Variants in SLC4A4 observed in about 807,000 individuals in gnomAD.
SLC4A4 encodes the protein solute carrier family 4 member 4.
A neutral mutation model predicts 111.5 loss-of-function variants in SLC4A4; 27 were observed. The ratio of observed to expected loss-of-function variants is 0.24; its 90% CI spans 0.18 to 0.33. The LOEUF is 0.33. SLC4A4 is among the 10% of genes least tolerant of loss of function. SLC4A4 has a pLI of 1.00. For synonymous variants in SLC4A4, 443 were observed against 463.4 expected (o/e 0.96, Z 0.57); for missense variants, 909 against 1,315.5 (o/e 0.69, Z 4.78).
At chr4:71,127,091 T>C (rs931081700) in intron 2 of SLC4A4, among the ~76,000 whole-genome samples, 2 of 152,222 alleles carry the variant, frequency 1.3e-5, no homozygotes, top group African/African-American at 2.4e-5. Context: ...ACCCCAAAAA[T>C]GCTTTCAGCC....
At chr4:71,137,745 G>A (rs1244304714) in intron 2 of SLC4A4, among the ~76,000 whole-genome samples, 1 of 152,178 alleles carries the variant, frequency 6.6e-6, no homozygotes, top group African/African-American at 2.4e-5. Context: ...AAAAAGAAGT[G>A]GAGCTGAATA....
intron 2 of SLC4A4, among the ~76,000 whole-genome samples, chr4:71,241,337 C>G (rs3113800): frequency 2.0e-5 from 3 of 151,966 alleles, no homozygotes; most frequent in Non-Finnish European, 4.4e-5. Flanking sequence ...TTCTCCTACT[C>G]TGTTTTTTGA....
chr4:71,404,483 A>G (rs1720655964), intron 7 of SLC4A4, among the ~76,000 whole-genome samples: 1 of 152,186 alleles, frequency 6.6e-6, no homozygotes, highest in African/African-American at 2.4e-5. Context: ...ATAAACTGGC[A>G]TGTTTTACAT....
intron 2 of SLC4A4, among the ~76,000 whole-genome samples, chr4:71,135,772 C>T (rs1743828308): frequency 6.6e-6 from 1 of 151,936 alleles, no homozygotes; most frequent in East Asian, 1.9e-4. Context: ...CTACTTTTTG[C>T]TTTTATGAGT....
At chr4:71,383,066 T>C (rs1718308995) in intron 6 of SLC4A4, among the ~76,000 whole-genome samples, 1 of 152,182 alleles carries the variant, frequency 6.6e-6, no homozygotes, top group African/African-American at 2.4e-5. Context: ...CACAGCTTTT[T>C]TTGCATGGTG....
At chr4:71,120,695 C>T (rs569809472) in intron 2 of SLC4A4, among the ~76,000 whole-genome samples, 6 of 152,316 alleles carry the variant, frequency 3.9e-5, no homozygotes, top group African/African-American at 7.2e-5. Flanking sequence ...TGGTGAAACC[C>T]CATCTCTAAT....
intron 2 of SLC4A4, among the ~76,000 whole-genome samples, chr4:71,128,549 C>A (rs1743619647): frequency 6.6e-6 from 1 of 152,142 alleles, no homozygotes; most frequent in Non-Finnish European, 1.5e-5. Context: ...AGTGGAGTGG[C>A]ATGATCTCGG....
intron 1 of SLC4A4, among the ~76,000 whole-genome samples, chr4:71,076,498 C>G (rs1179689743): frequency 6.6e-6 from 1 of 151,648 alleles, no homozygotes; most frequent in African/African-American, 2.4e-5. Flanking sequence ...CATCATTGCA[C>G]TCCAGCCTGG....
At chr4:71,071,447 GTTAATT>G (rs1320265493) in intron 1 of SLC4A4, among the ~76,000 whole-genome samples, 1 of 152,016 alleles carries the variant, frequency 6.6e-6, no homozygotes, top group Non-Finnish European at 1.5e-5. Flanking sequence ...ACAAACATCT[GTTAATT>G]TTAAAGTATT....
In SLC4A4 at chr4:71,525,972, A is replaced by G. The variant is rs1010714238; in HGVS notation, c.2167-6090A>G. Among the ~76,000 whole-genome samples the G allele has an allele frequency of 3.3e-5, 5 of 152,134 alleles. No homozygotes were observed. The East Asian group carries it at 9.6e-4, about 29-fold the overall frequency. On this transcript the variant is annotated intron_variant, in intron 16 of 25. Coordinates refer to ENST00000264485, the MANE Select transcript of SLC4A4 (RefSeq NM_001098484.3). ...CAAAGAGAGCAGTTCTTATCTCCTT[A>G]AAGTCGGACTGAGAAGTCTTATTTA...
intron 2 of SLC4A4, among the ~76,000 whole-genome samples, chr4:71,169,353 C>G (rs560006959): frequency 6.6e-6 from 1 of 152,040 alleles, no homozygotes; most frequent in African/African-American, 2.4e-5. Flanking sequence ...AAACTGTTCT[C>G]CATAGTGGTT....
chr4:71,317,291 C>A (rs1042609575), intron 3 of SLC4A4, among the ~76,000 whole-genome samples: 2 of 151,944 alleles, frequency 1.3e-5, no homozygotes, highest in African/African-American at 2.4e-5. Context: ...ATTCTGCCTG[C>A]GTGTGTTTAT....
At chr4:71,250,164 A>G (rs1720963005) in intron 2 of SLC4A4, among the ~76,000 whole-genome samples, 1 of 152,054 alleles carries the variant, frequency 6.6e-6, no homozygotes, top group South Asian at 2.1e-4. Flanking sequence ...AAATCTCTTA[A>G]TTTTGTTCTA....
chr4:71,146,260 G>T (rs561055296), intron 2 of SLC4A4, among the ~76,000 whole-genome samples: 2 of 152,286 alleles, frequency 1.3e-5, no homozygotes, highest in East Asian at 3.9e-4. Flanking sequence ...GAGCGGTTTT[G>T]AGTGAGTTTC....
At chr4:71,126,716 G>A (rs979258849) in intron 2 of SLC4A4, among the ~76,000 whole-genome samples, 1 of 151,954 alleles carries the variant, frequency 6.6e-6, no homozygotes, top group African/African-American at 2.4e-5. Context: ...ATATGAATAT[G>A]AGGAGAGAAT....
In SLC4A4 at chr4:71,280,566, G is replaced by A. The variant is rs569345247; in HGVS notation, c.253+25167G>A. Among the ~76,000 whole-genome samples the A allele has an allele frequency of 2.2e-4, 34 of 152,232 alleles. No individual in the cohort carries two copies. In the East Asian group the frequency reaches 6.2e-3, roughly 28 times the overall value. On this transcript the variant is annotated intron_variant, in intron 3 of 25. Transcript: ENST00000264485. ...AAACTATTTCAAGTTAATCTTGTGAGTGGTATAAAATAGGGGTCCAATTTC... is the reference window on the plus strand; with the variant it reads ...AAACTATTTCAAGTTAATCTTGTGAATGGTATAAAATAGGGGTCCAATTTC...
At chr4:71,298,666 A>G (rs917107707) in intron 3 of SLC4A4, among the ~76,000 whole-genome samples, 2 of 151,914 alleles carry the variant, frequency 1.3e-5, no homozygotes, top group African/African-American at 4.9e-5. Flanking sequence ...GGCAAGTTTC[A>G]CATCCTGGAA....
chr4:71,119,765 AATTAAATC>A (rs1175935212), intron 2 of SLC4A4, among the ~76,000 whole-genome samples: 6 of 152,124 alleles, frequency 3.9e-5, no homozygotes, highest in African/African-American at 1.2e-4. Context: ...ATGGAACTTC[AATTAAATC>A]AATAAAGTGA....
intron 6 of SLC4A4, among the ~76,000 whole-genome samples, chr4:71,363,562 A>G (rs1730991395): frequency 6.6e-6 from 1 of 152,148 alleles, no homozygotes; most frequent in Non-Finnish European, 1.5e-5. Flanking sequence ...TGTAAGGCAG[A>G]TATTTCCCTA....
Sources: allele counts gnomAD v4.1 joint callset (sites outside exome capture counted in the v4.1 genomes callset), GRCh38; gene constraint gnomAD v4.1.1; transcripts MANE v1.5; gene names NCBI Gene and HGNC (gene_info 2026-07-23, HGNC 2026-07-21).